The following FGF13 variants were observed in gnomAD, a reference collection of about 807,000 sequenced individuals.
FGF13 encodes the protein fibroblast growth factor 13, also known as fibroblast growth factor homologous factor 2.
Under a neutral mutation model 19.5 loss-of-function variants are expected in FGF13, and 2 were observed. That is an observed-to-expected ratio of 0.10 (90% CI 0.04 to 0.32). The LOEUF (loss-of-function observed/expected upper bound fraction) is 0.32. FGF13 is among the 10% of genes least tolerant of loss of function. FGF13 has a pLI of 1.00. For missense variants in FGF13, 113 were observed against 192.7 expected, an observed-to-expected ratio of 0.59 and a Z score of 2.45; for synonymous variants, 72 against 76.9, an observed-to-expected ratio of 0.94 and a Z score of 0.33.
intron 3 of FGF13, among the ~76,000 whole-genome samples, chrX:138,801,044 G>C (rs771721751): frequency 8.9e-6 from 1 of 111,819 alleles, no homozygotes; most frequent in Non-Finnish European, 1.9e-5. Context: ...TAGCTCAGAG[G>C]AGTTTGTTAT....
At chrX:138,889,599 C>T (rs1387394603) in intron 1 of FGF13, among the ~76,000 whole-genome samples, 1 of 111,901 alleles carries the variant, frequency 8.9e-6, no homozygotes, top group African/African-American at 3.3e-5. Context: ...AGGTGGCTTT[C>T]ACAACCCATC....
intron 1 of FGF13, among the ~76,000 whole-genome samples, chrX:139,034,093 A>G (rs2124397078): frequency 8.9e-6 from 1 of 111,862 alleles, no homozygotes; most frequent in Non-Finnish European, 1.9e-5. Flanking sequence ...CATGAAAAAC[A>G]TAAACCTTAT....
chrX:138,823,052 G>A (rs1242415063), intron 3 of FGF13, among the ~76,000 whole-genome samples: 1 of 111,692 alleles, frequency 9.0e-6, no homozygotes, highest in Non-Finnish European at 1.9e-5. Flanking sequence ...GGGAAAGGCG[G>A]GGAAGACTGA....
chrX:139,013,741 G>A (rs1390199977), intron 1 of FGF13, among the ~76,000 whole-genome samples: 2 of 107,551 alleles, frequency 1.9e-5, no homozygotes, highest in African/African-American at 6.8e-5. Context: ...AAAGGGTGGG[G>A]GTAGCAAGGG....
At chrX:139,065,131 C>A (rs1329962138) in intron 1 of FGF13, among the ~76,000 whole-genome samples, 1 of 110,546 alleles carries the variant, frequency 9.0e-6, no homozygotes, top group Admixed American at 9.7e-5. Flanking sequence ...AACAGGCCTG[C>A]CTTACAAGAG....
At chrX:138,691,812 T>C (rs1368924613) in intron 3 of FGF13, among the ~76,000 whole-genome samples, 1 of 112,187 alleles carries the variant, frequency 8.9e-6, no homozygotes, top group Non-Finnish European at 1.9e-5. Context: ...TCAAAAGTAG[T>C]TAGCATCAGA....
chrX:139,158,329 C>A (rs1230624777), intron 1 of FGF13, among the ~76,000 whole-genome samples: 1 of 110,812 alleles, frequency 9.0e-6, no homozygotes, highest in Non-Finnish European at 1.9e-5. Context: ...AGAGCCCACC[C>A]CCATTGAGCC....
chrX:138,797,060 T>G (rs948878792), intron 3 of FGF13, among the ~76,000 whole-genome samples: 12 of 112,153 alleles, frequency 1.1e-4, no homozygotes, highest in African/African-American at 3.9e-4. Context: ...TTAAGTTGAA[T>G]TAGGTCCCAT....
chrX:138,926,688 C>T (rs1451882037), intron 1 of FGF13, among the ~76,000 whole-genome samples: 1 of 112,090 alleles, frequency 8.9e-6, no homozygotes, highest in Admixed American at 9.4e-5. Flanking sequence ...CACGGTGGCT[C>T]ACACCTGTAA....
At chrX:138,929,750 G>T (rs1193418453) in intron 1 of FGF13, among the ~76,000 whole-genome samples, 3 of 110,155 alleles carry the variant, frequency 2.7e-5, no homozygotes, top group Non-Finnish European at 5.7e-5. Flanking sequence ...CAGCTCCTTT[G>T]TTGGCTGCAT....
chrX:138,767,132 G>C (rs1602810582), intron 3 of FGF13, among the ~76,000 whole-genome samples: 1 of 111,739 alleles, frequency 8.9e-6, no homozygotes, highest in South Asian at 3.8e-4. Flanking sequence ...TGTGAGGTGA[G>C]AGGGGACCAG....
At chrX:138,726,842 G>A (rs1205509207) in intron 1 of FGF13, among the ~76,000 whole-genome samples, 1 of 111,649 alleles carries the variant, frequency 9.0e-6, no homozygotes, top group African/African-American at 3.2e-5. Flanking sequence ...CTAACTTTTG[G>A]ATGATAAAAC....
At chrX:138,741,349 G>C (rs1436723129), upstream of FGF13, among the ~76,000 whole-genome samples, 3 of 111,601 alleles carry the variant, frequency 2.7e-5, no homozygotes, top group East Asian at 8.6e-4. Flanking sequence ...CCCAGGGATG[G>C]GAGCAGCTCA....
In FGF13 at chrX:138,653,716, C is replaced by T. The variant is rs1473026282; in HGVS notation, c.403-18061G>A. ...TGCAGAGGGTTAGCTGAATTCCCTG[C>T]AAGATAGTCTCTTCTGTATATAAAC... On this transcript the variant is annotated intron_variant, in intron 3 of 4. Coordinates refer to ENST00000315930, the MANE Select transcript of FGF13 (RefSeq NM_004114.5). 2.7e-5 allele frequency among the ~76,000 whole-genome samples: 3 copies of T among 111,054 alleles called. No homozygotes were observed. The East Asian group carries it at 8.5e-4, about 32-fold the overall frequency.
intron 3 of FGF13, among the ~76,000 whole-genome samples, chrX:138,685,767 G>T (rs893436728): frequency 9.0e-6 from 1 of 110,932 alleles, no homozygotes; most frequent in Admixed American, 9.7e-5. Context: ...TTATAGCAAA[G>T]TTTATTTGGC....
intron 3 of FGF13, among the ~76,000 whole-genome samples, chrX:138,800,986 C>G (rs2090824264): frequency 8.9e-6 from 1 of 111,774 alleles, no homozygotes; most frequent in Non-Finnish European, 1.9e-5. Context: ...TTCCTGTAAC[C>G]TTTTATCAAG....
intron 3 of FGF13, among the ~76,000 whole-genome samples, chrX:138,666,311 A>C (rs898830805): frequency 9.0e-6 from 1 of 111,526 alleles, no homozygotes; most frequent in Non-Finnish European, 1.9e-5. Context: ...AAAAGAAAAA[A>C]ATGTGTTTTT....
intron 3 of FGF13, among the ~76,000 whole-genome samples, chrX:138,688,244 T>C (rs2089804551): frequency 9.1e-6 from 1 of 110,344 alleles, no homozygotes. Flanking sequence ...ATTACAGGCA[T>C]GAGCCACCTC....
In FGF13 at chrX:139,177,226, T is replaced by A. The variant is rs1337194926; in HGVS notation, c.-113+26190A>T. Among the ~76,000 whole-genome samples, 3 of 97,647 alleles carry A rather than the reference T, an allele frequency of 3.1e-5. No homozygotes were observed. In the East Asian group the frequency reaches 9.7e-4, roughly 32 times the overall value. The allele number at this position is 97,647 out of a possible 115,157, so 84.8% of individuals were successfully genotyped here. ...AACTCTGATTTATCAGAGACTAGGATTGCAACCCCTGCTTTTTTTTTTTTT... is the reference window on the plus strand; with the variant it reads ...AACTCTGATTTATCAGAGACTAGGAATGCAACCCCTGCTTTTTTTTTTTTT... On this transcript the variant is annotated intron_variant, in intron 1 of 2. Coordinates refer to the FGF13 transcript ENST00000421460.
Sources: allele counts gnomAD v4.1 joint callset (sites outside exome capture counted in the v4.1 genomes callset), GRCh38; gene constraint gnomAD v4.1.1; transcripts MANE v1.5; gene names NCBI Gene and HGNC (gene_info 2026-07-23, HGNC 2026-07-21).